Variants in UBE3A observed in about 807,000 individuals in gnomAD.
UBE3A encodes ubiquitin protein ligase E3A.
A neutral mutation model predicts 83.4 loss-of-function variants in UBE3A; 6 were observed. The observed-to-expected ratio is 0.07, with a 90% CI of 0.04 to 0.14. The LOEUF is 0.14. UBE3A is among the 10% of genes least tolerant of loss of function. UBE3A has a pLI of 1.00. For missense variants in UBE3A, 456 were observed against 1,036.1 expected (o/e 0.44, Z 7.69); for synonymous variants, 337 against 355.4 (o/e 0.95, Z 0.58).
intron 11 of UBE3A, among the ~76,000 whole-genome samples, chr15:25,343,820 G>A (rs1398486549): frequency 6.6e-6 from 1 of 152,136 alleles, no homozygotes; most frequent in Non-Finnish European, 1.5e-5. Context: ...ATGAGCAAAA[G>A]ACTATATAAA....
At position 25,386,731 on chromosome 15, in the gene UBE3A, GAAAAAAAGA is replaced by G. The variant is rs1025565489; in HGVS notation, c.63-10977_63-10969del. On this transcript the variant is annotated intron_variant, in intron 4 of 12. Coordinates refer to ENST00000648336, the MANE Select transcript of UBE3A (RefSeq NM_130839.5). Reference sequence around the variant, plus strand: ...GGAAAAAATCACCTTACCTGTAGAGGAAAAAAAGAAAAAAAAGAAAAAATACATGTGACT... The same window carrying G: ...GGAAAAAATCACCTTACCTGTAGAGGAAAAAAAGAAAAAATACATGTGACT... Among the ~76,000 whole-genome samples, 7 of 143,668 alleles carry G rather than the reference GAAAAAAAGA, an allele frequency of 4.9e-5. No homozygotes were observed. In the East Asian group the frequency reaches 6.1e-4, roughly 12 times the overall value. The allele number at this position is 143,668 out of a possible 152,430, so 94.3% of individuals were successfully genotyped here. A position where few individuals can be genotyped will look rare whatever the true frequency, so the allele number is the denominator to read the frequency against.
intron 4 of UBE3A, among the ~76,000 whole-genome samples, chr15:25,400,839 G>T (rs572923915): frequency 1.3e-5 from 2 of 152,270 alleles, no homozygotes; most frequent in Admixed American, 1.3e-4. Context: ...GTACTGTGCT[G>T]AATAGAAATG....
chr15:25,375,455 A>G lies in UBE3A; in HGVS notation c.361+10T>C, dbSNP rs760455366. On this transcript the variant is annotated intron_variant, in intron 5 of 12. Coordinates refer to ENST00000648336, the MANE Select transcript of UBE3A (RefSeq NM_130839.5). ...GGCAACAATTCTCAATTGAAAATAA[A>G]ACATCTTACCTTTAAAATCAATTCT... 1 of 1,613,564 alleles carries G rather than the reference A, an allele frequency of 6.2e-7. No homozygotes were observed. The highest frequency in any genetic ancestry group is 8.5e-7 in the Non-Finnish European group (1 of 1,179,858).
intron 4 of UBE3A, among the ~76,000 whole-genome samples, chr15:25,390,831 T>C (rs1184157910): frequency 2.0e-5 from 3 of 152,032 alleles, no homozygotes; most frequent in Non-Finnish European, 4.4e-5. Context: ...TGTACCACTC[T>C]GGTGGGAGAT....
chr15:25,334,218 A>G lies in UBE3A; in HGVS notation c.*4919T>C, dbSNP rs2073854795. The G allele has an allele frequency of 6.6e-6, 1 of 152,220 alleles. No homozygotes were observed. The highest frequency in any genetic ancestry group is 1.5e-5 in the Non-Finnish European group (1 of 68,042). The allele number at this position is 152,220 out of a possible 1,614,324, so 9.4% of individuals were successfully genotyped here. A position where few individuals can be genotyped will look rare whatever the true frequency, so the allele number is the denominator to read the frequency against. ...TACTAAGTGACAAAAAAAGAATTTT[A>G]GAAAAGCTACAATATACAAAATCAA... On this transcript the variant is annotated 3_prime_UTR_variant, in exon 13 of 13. Transcript: ENST00000648336.
At chr15:25,433,746 A>C (rs903501231) in intron 1 of UBE3A, among the ~76,000 whole-genome samples, 7 of 152,136 alleles carry the variant, frequency 4.6e-5, no homozygotes, top group Non-Finnish European at 8.8e-5. Flanking sequence ...GCTTAGAATC[A>C]AATAGTAACG....
intron 4 of UBE3A, among the ~76,000 whole-genome samples, chr15:25,378,172 C>A (rs976239530): frequency 3.3e-5 from 5 of 151,974 alleles, no homozygotes; most frequent in African/African-American, 7.3e-5. Context: ...AGTCAAAATA[C>A]CAAAATAGAT....
intron 1 of UBE3A, chr15:25,418,344 A>C (rs904370320): frequency 2.0e-5 from 3 of 152,162 alleles, no homozygotes; most frequent in African/African-American, 7.2e-5. Flanking sequence ...TTTTTACACA[A>C]ATGTTCATTG....
intron 11 of UBE3A, among the ~76,000 whole-genome samples, chr15:25,349,911 G>A (rs1408541850): frequency 6.6e-6 from 1 of 152,148 alleles, no homozygotes; most frequent in Non-Finnish European, 1.5e-5. Flanking sequence ...GATAATTCAT[G>A]CCCTGGGTGG....
chr15:25,392,179 CT>C (rs1402400185), intron 4 of UBE3A, among the ~76,000 whole-genome samples: 1 of 152,150 alleles, frequency 6.6e-6, no homozygotes, highest in Non-Finnish European at 1.5e-5. Context: ...ATGTCCAGAG[CT>C]TACTGTACCT....
At position 25,339,146 on chromosome 15, in the gene UBE3A, G is replaced by A; in HGVS notation, c.2610C>T (p.Gly870=). The A allele has an allele frequency of 6.3e-7, 1 of 1,584,960 alleles. No individual in the cohort carries two copies. Among genetic ancestry groups the A allele is most frequent in the South Asian group, 1.2e-5 (1 of 86,672 alleles). The change falls in exon 13 of 13, where the codon GGC becomes GGT. Residue 870 remains glycine, a synonymous_variant. Coordinates refer to ENST00000648336, the MANE Select transcript of UBE3A (RefSeq NM_130839.5). ...LKAITYAKGF[G]ML is the part of the protein sequence containing the mutation. ...TTTGTTTTGTTTTGTTTTACAGCAT[G>A]CCAAATCCTTTGGCATACGTGATGG... is the stretch of plus-strand genomic sequence containing the variant.
Position 25,401,742 on chromosome 15 carries a change from T to C in UBE3A, c.62+3719A>G, listed in dbSNP as rs1165973842. The stretch of plus-strand genomic sequence containing the variant: ...ATCATCAAAAAACACAACTCTTTAT[T>C]TTTTTTATCTTGAGTCATCTCTTTT... On this transcript the variant is annotated intron_variant, in intron 4 of 12. Coordinates refer to ENST00000648336, the MANE Select transcript of UBE3A (RefSeq NM_130839.5). 2.7e-5 allele frequency among the ~76,000 whole-genome samples: 4 copies of C among 147,104 alleles called. No individual in the cohort carries two copies. The East Asian group carries it at 7.7e-4, about 28-fold the overall frequency.
rs2073961275 is a variant in UBE3A at position 25,336,371 on chromosome 15, T to C, written c.*2766A>G. 1 of 152,162 alleles carries C rather than the reference T, an allele frequency of 6.6e-6. No homozygotes were observed. Among genetic ancestry groups the C allele is most frequent in the Admixed American group, 6.5e-5 (1 of 15,270 alleles). 9.4% of individuals were successfully genotyped at this position (152,162 alleles called of 1,614,324 possible). On this transcript the variant is annotated 3_prime_UTR_variant, in exon 13 of 13. Transcript: ENST00000648336. Reference sequence around the variant, plus strand: ...ACATTTCTTCCTCTGACAGTTTGTATGGAATTCTTGAGAAAAATTCCTCGA... The same window carrying C: ...ACATTTCTTCCTCTGACAGTTTGTACGGAATTCTTGAGAAAAATTCCTCGA...
chr15:25,355,484 T>A (rs369518888), intron 9 of UBE3A, among the ~76,000 whole-genome samples: 6 of 152,332 alleles, frequency 3.9e-5, no homozygotes, highest in African/African-American at 9.6e-5. Context: ...AAATCTGACG[T>A]AAAGTATACT....
At position 25,375,520 on chromosome 15, in the gene UBE3A, G is replaced by C; in HGVS notation, c.306C>G (p.Asn102Lys). ...TCATTTTTATCTCAGAGCAGGAGTT[G>C]TTGGGGGCACCTTTCGAGTTCTCAA... ...AYLENSKGAP[N>K]NSCSEIKMNK... is the part of the protein sequence containing the mutation. The change falls in exon 5 of 13, where the codon AAC becomes AAG. Residue 102 changes from asparagine (N) to lysine (K), a missense_variant. This residue lies in a region of UBE3A where 36 missense variants were observed against 28.5 expected (regional missense o/e 1.26). Transcript: ENST00000648336. 1 of 1,614,178 alleles carries C rather than the reference G, an allele frequency of 6.2e-7. No homozygotes were observed. Among genetic ancestry groups the C allele is most frequent in the Non-Finnish European group, 8.5e-7 (1 of 1,180,036 alleles).
At chr15:25,360,311 A>G in intron 7 of UBE3A, 72 bp downstream of exon 7, 2 of 1,596,164 alleles carry the variant, frequency 1.3e-6, no homozygotes, top group South Asian at 1.1e-5. Context: ...GAAAATATTT[A>G]CAAAGTAAGA....
chr15:25,359,539 G>A (rs533796804), intron 7 of UBE3A, among the ~76,000 whole-genome samples: 2 of 151,446 alleles, frequency 1.3e-5, no homozygotes, highest in East Asian at 3.9e-4. Flanking sequence ...AAGCTGAAGG[G>A]AAATGACATA....
At chr15:25,412,951 A>AT (rs1206444102) in intron 1 of UBE3A, 2 of 417,690 alleles carry the variant, frequency 4.8e-6, no homozygotes, top group Non-Finnish European at 9.4e-6. Context: ...TTTTTTTTTA[A>AT]TTTTTTTCAG....
At chr15:25,364,155 A>G (rs1469823277) in intron 6 of UBE3A, among the ~76,000 whole-genome samples, 1 of 151,994 alleles carries the variant, frequency 6.6e-6, no homozygotes, top group East Asian at 1.9e-4. Flanking sequence ...TGCAGTCAGT[A>G]GAGATCGTGC....
Sources: allele counts gnomAD v4.1 joint callset (sites outside exome capture counted in the v4.1 genomes callset), GRCh38; gene constraint gnomAD v4.1.1; regional missense constraint gnomAD v4.1.1; transcripts MANE v1.5; gene names NCBI Gene and HGNC (gene_info 2026-07-23, HGNC 2026-07-21).